Variants in GNA14 observed in about 807,000 individuals in gnomAD.
The protein encoded by GNA14 is guanine nucleotide-binding protein subunit alpha-14.
Under a neutral mutation model 42.0 loss-of-function variants are expected in GNA14, and 50 were observed. The ratio of observed to expected loss-of-function variants is 1.19; its 90% CI spans 0.95 to 1.51. The LOEUF (loss-of-function observed/expected upper bound fraction) is 1.51, where lower values mean the gene tolerates loss of function less well. Ranked by LOEUF, GNA14 falls within the 40% of genes most tolerant of loss-of-function variation. The pLI is 0.00. For synonymous variants in GNA14, 173 were observed against 163.1 expected (o/e 1.06, Z -0.46); for missense variants, 473 against 446.2 (o/e 1.06, Z -0.54).
At chr9:77,544,193 G>C (rs748675573) in intron 1 of GNA14, among the ~76,000 whole-genome samples, 5 of 152,092 alleles carry the variant, frequency 3.3e-5, no homozygotes, top group South Asian at 4.1e-4. Context: ...ATATGTATAA[G>C]ATTCCAGAAA....
chr9:77,596,782 T>G (rs1823473753), intron 1 of GNA14, among the ~76,000 whole-genome samples: 2 of 152,270 alleles, frequency 1.3e-5, no homozygotes, highest in South Asian at 4.1e-4. Flanking sequence ...CTGAGATAAA[T>G]GCATATCTGA....
chr9:77,572,728 G>C (rs1336339654), intron 1 of GNA14, among the ~76,000 whole-genome samples: 1 of 152,186 alleles, frequency 6.6e-6, no homozygotes, highest in Non-Finnish European at 1.5e-5. Context: ...CCTATGCCTT[G>C]AAAATCTTGC....
At chr9:77,526,432 A>G (rs916206643) in intron 2 of GNA14, 5 of 151,590 alleles carry the variant, frequency 3.3e-5, no homozygotes, top group African/African-American at 1.2e-4. Flanking sequence ...GAGTCTCTGT[A>G]GATGCAAGCA....
rs533050203 is a variant in GNA14 at position 77,588,460 on chromosome 9, C to T, written c.125-59207G>A. On this transcript the variant is annotated intron_variant, in intron 1 of 6. Coordinates refer to ENST00000341700, the MANE Select transcript of GNA14 (RefSeq NM_004297.4). ...TGACTAAGGAAATCTGCAGGAATTT[C>T]ACATTTAGCACAATGCTTTCCCCAG... Among the ~76,000 whole-genome samples the T allele has an allele frequency of 7.9e-5, 12 of 152,292 alleles. No homozygotes were observed. The East Asian group carries it at 2.3e-3, about 29-fold the overall frequency.
intron 2 of GNA14, among the ~76,000 whole-genome samples, chr9:77,446,814 T>A (rs1323374365): frequency 6.6e-6 from 1 of 152,156 alleles, no homozygotes; most frequent in Non-Finnish European, 1.5e-5. Context: ...CTTTAGTAAA[T>A]TTTACTTTAT....
At chr9:77,513,950 C>T (rs1326451233) in intron 2 of GNA14, among the ~76,000 whole-genome samples, 1 of 143,144 alleles carries the variant, frequency 7.0e-6, no homozygotes, top group Non-Finnish European at 1.5e-5. Context: ...TTGTTCCCTT[C>T]AGCACTTTTT....
chr9:77,595,931 C>T (rs1207130047), intron 1 of GNA14, among the ~76,000 whole-genome samples: 1 of 151,942 alleles, frequency 6.6e-6, no homozygotes, highest in African/African-American at 2.4e-5. Context: ...ATTGCCCAAG[C>T]ACAGGGCTAC....
intron 1 of GNA14, among the ~76,000 whole-genome samples, chr9:77,545,640 T>A (rs1269264863): frequency 6.6e-6 from 1 of 152,106 alleles, no homozygotes; most frequent in African/African-American, 2.4e-5. Context: ...GCCTTACCAT[T>A]TTCACCTTCT....
intron 1 of GNA14, among the ~76,000 whole-genome samples, chr9:77,573,455 AT>A (rs1227587456): frequency 1.5e-4 from 23 of 152,020 alleles, no homozygotes; most frequent in Non-Finnish European, 2.1e-4. Context: ...TCTCAAAAAA[AT>A]AAATAAATAA....
intron 2 of GNA14, among the ~76,000 whole-genome samples, chr9:77,520,104 T>G (rs1026864961): frequency 7.2e-5 from 11 of 152,300 alleles, no homozygotes; most frequent in Middle Eastern, 6.8e-3. Flanking sequence ...AATTTATTTT[T>G]TTTAAAACTT....
At position 77,621,898 on chromosome 9, in the gene GNA14, C is replaced by T. The variant is rs540954673; in HGVS notation, c.124+25772G>A. On this transcript the variant is annotated intron_variant, in intron 1 of 6. Coordinates refer to ENST00000341700, the MANE Select transcript of GNA14 (RefSeq NM_004297.4). ...TGTTTATGACTAGTGCTTTATATTT[C>T]ATTTGCTCTATTTCATATTGTTCGT... Among the ~76,000 whole-genome samples, 9 of 152,220 alleles carry T rather than the reference C, an allele frequency of 5.9e-5. No individual in the cohort carries two copies. In the South Asian group the frequency reaches 8.3e-4, roughly 14 times the overall value.
At chr9:77,610,296 G>T (rs532980735) in intron 1 of GNA14, among the ~76,000 whole-genome samples, 2 of 152,192 alleles carry the variant, frequency 1.3e-5, no homozygotes, top group East Asian at 1.9e-4. Flanking sequence ...TTCCTATTTT[G>T]TGTGGCTCCT....
At chr9:77,520,661 G>C (rs964538132) in intron 2 of GNA14, among the ~76,000 whole-genome samples, 3 of 152,146 alleles carry the variant, frequency 2.0e-5, no homozygotes, top group Non-Finnish European at 2.9e-5. Context: ...CGCCTCCGGG[G>C]TTCAAGAGAT....
intron 2 of GNA14, among the ~76,000 whole-genome samples, chr9:77,436,538 G>C (rs972183919): frequency 1.3e-5 from 2 of 152,122 alleles, no homozygotes; most frequent in Non-Finnish European, 2.9e-5. Flanking sequence ...CCCTATTCTT[G>C]GCTGGCGAGA....
chr9:77,631,496 AC>A (rs1824099944), intron 1 of GNA14, among the ~76,000 whole-genome samples: 1 of 146,804 alleles, frequency 6.8e-6, no homozygotes, highest in Non-Finnish European at 1.5e-5. Context: ...AAAGTAAAAA[AC>A]CATCAAGAGC....
At chr9:77,470,592 A>T (rs996085447) in intron 2 of GNA14, among the ~76,000 whole-genome samples, 5 of 152,242 alleles carry the variant, frequency 3.3e-5, no homozygotes, top group Non-Finnish European at 7.3e-5. Context: ...CTAAAGTGCT[A>T]CAGAGGATTA....
intron 2 of GNA14, among the ~76,000 whole-genome samples, chr9:77,474,832 C>A (rs1029468277): frequency 1.3e-5 from 2 of 152,082 alleles, no homozygotes; most frequent in African/African-American, 4.8e-5. Context: ...AAATGAATTA[C>A]TGATACAGGT....
rs986082709 is a variant in GNA14, at chr9:77,435,286, G to A, written c.310-764C>T. ...GCAGGAGAATCGCTTGAACCCAGAA[G>A]GTGGAGGTTGCAGTGAGCCGAGATG... is the stretch of plus-strand genomic sequence containing the variant. On this transcript the variant is annotated intron_variant, in intron 2 of 6. Coordinates refer to ENST00000341700, the MANE Select transcript of GNA14 (RefSeq NM_004297.4). Among the ~76,000 whole-genome samples, 220 of 152,190 alleles carry A rather than the reference G, an allele frequency of 1.4e-3. 3 individuals carry two copies. The highest frequency in any genetic ancestry group is 2.8e-4 in the Non-Finnish European group (19 of 68,014).
intron 2 of GNA14, among the ~76,000 whole-genome samples, chr9:77,488,630 C>T (rs1836699877): frequency 6.6e-6 from 1 of 151,916 alleles, no homozygotes; most frequent in African/African-American, 2.4e-5. Context: ...GGGACCTCAC[C>T]CATTCAGATG....
Sources: allele counts gnomAD v4.1 joint callset (sites outside exome capture counted in the v4.1 genomes callset), GRCh38; gene constraint gnomAD v4.1.1; transcripts MANE v1.5; gene names NCBI Gene and HGNC (gene_info 2026-07-23, HGNC 2026-07-21).